Variants in TMEM230 observed in about 807,000 individuals in gnomAD.
The protein encoded by TMEM230 is transmembrane protein 230.
In TMEM230, 10 loss-of-function variants were observed where a neutral mutation model predicts 15.8. The ratio of observed to expected loss-of-function variants is 0.63; its 90% confidence interval spans 0.39 to 1.07. The LOEUF (loss-of-function observed/expected upper bound fraction) is 1.07, where lower values mean the gene tolerates loss of function less well. Ranked by LOEUF, TMEM230 falls within the 50% of genes least tolerant of loss-of-function variation. The pLI, the probability that TMEM230 is intolerant of heterozygous loss-of-function variation, is 0.01. For synonymous variants in TMEM230, 67 were observed against 76.9 expected (o/e 0.87, Z 0.68); for missense variants, 165 against 193.3 (o/e 0.85, Z 0.87).
At chr20:5,071,619 G>T (rs373438671) in intron 3 of TMEM230, among the ~76,000 whole-genome samples, 1,171 of 64,608 alleles carry the variant, frequency 0.018, 20 homozygotes, top group African/African-American at 0.055. Context: ...GCGAAACTCC[G>T]TCTCAAAAAA....
chr20:5,067,725 G>A (rs1361444420), downstream of TMEM230, among the ~76,000 whole-genome samples: 1 of 146,578 alleles, frequency 6.8e-6, no homozygotes, highest in Admixed American at 7.0e-5. Flanking sequence ...TAAGGCATGA[G>A]CCACCACACC....
intron 3 of TMEM230, among the ~76,000 whole-genome samples, chr20:5,085,893 C>T (rs1568487265): frequency 6.6e-6 from 1 of 152,104 alleles, no homozygotes; most frequent in Non-Finnish European, 1.5e-5. Flanking sequence ...AACCTCTTAG[C>T]CATAAGAAAG....
At chr20:5,086,249 A>G (rs2089333801) in intron 3 of TMEM230, among the ~76,000 whole-genome samples, 2 of 135,368 alleles carry the variant, frequency 1.5e-5, no homozygotes, top group African/African-American at 5.5e-5. Context: ...AAAAAAAAAA[A>G]AGTATTGGCC....
At chr20:5,104,139 T>C (rs1483130850) in intron 4 of TMEM230, among the ~76,000 whole-genome samples, 1 of 152,022 alleles carries the variant, frequency 6.6e-6, no homozygotes. Context: ...AAATGGCAAA[T>C]AGGTATATGA....
At chr20:5,096,983 T>C (rs113355089), downstream of TMEM230, among the ~76,000 whole-genome samples, 3,259 of 152,278 alleles carry the variant, frequency 0.021, 101 homozygotes, top group African/African-American at 0.071. Flanking sequence ...CAGCTAAAAC[T>C]TGTACTACCT....
At chr20:5,109,542 T>G in intron 2 of TMEM230, 97 bp from the exon 2 acceptor site, 1 of 941,268 alleles carries the variant, frequency 1.1e-6, no homozygotes, top group East Asian at 2.6e-5. Context: ...TGCACTGGAG[T>G]TCTGGGCTGC....
chr20:5,067,762 CTT>C (rs3056049), downstream of TMEM230, among the ~76,000 whole-genome samples: 5 of 135,740 alleles, frequency 3.7e-5, no homozygotes, highest in Non-Finnish European at 4.6e-5. Context: ...CCCCCCTCTG[CTT>C]TTTTTTTTTT....
At chr20:5,085,837 CA>C (rs2089319866) in intron 3 of TMEM230, among the ~76,000 whole-genome samples, 1 of 152,056 alleles carries the variant, frequency 6.6e-6, no homozygotes, top group African/African-American at 2.4e-5. Flanking sequence ...AAGGACTCTC[CA>C]ATATCTCACC....
Position 5,109,293 on chromosome 20 carries a change from C to T in TMEM230, c.288+39G>A, listed in dbSNP as rs201080303. On this transcript the variant is annotated intron_variant, in intron 3 of 4. Coordinates refer to ENST00000342308, the MANE Select transcript of TMEM230 (RefSeq NM_001009923.2). ...GGTCTTCCTGCTAACTTAACAGAAA[C>T]ACAGCCAGTCAGTCTTGTCAGTTCT... 3.8e-4 allele frequency: 579 copies of T among 1,530,818 alleles called. 2 individuals carry two copies. In the African/African-American group the frequency reaches 7.3e-3, roughly 19 times the overall value. The allele number at this position is 1,530,818 out of a possible 1,614,324, so 94.8% of individuals were successfully genotyped here. A position where few individuals can be genotyped will look rare whatever the true frequency, so the allele number is the denominator to read the frequency against.
At chr20:5,067,490 C>G (rs1279472836), downstream of TMEM230, 1 of 145,192 alleles carries the variant, frequency 6.9e-6, no homozygotes, top group African/African-American at 2.5e-5. Flanking sequence ...GTCACCCAGG[C>G]TGGAGTGCAA....
chr20:5,109,970 A>G (rs1170814903), intron 2 of TMEM230, among the ~76,000 whole-genome samples: 1 of 152,204 alleles, frequency 6.6e-6, no homozygotes, highest in African/African-American at 2.4e-5. Flanking sequence ...CATTTTGCCT[A>G]TTTCCCCTTG....
intron 3 of TMEM230, among the ~76,000 whole-genome samples, chr20:5,094,120 G>A (rs1373269087): frequency 6.6e-6 from 1 of 151,800 alleles, no homozygotes; most frequent in East Asian, 2.0e-4. Context: ...CACCATACCT[G>A]GCTAATTTTT....
chr20:5,071,675 G>A (rs1055656894), intron 3 of TMEM230, among the ~76,000 whole-genome samples: 2 of 151,216 alleles, frequency 1.3e-5, no homozygotes, highest in East Asian at 1.9e-4. Flanking sequence ...ATAGTGATAC[G>A]TATATAGCAA....
chr20:5,064,713 AAACTC>A (rs1259440219), downstream of TMEM230, among the ~76,000 whole-genome samples: 1 of 152,332 alleles, frequency 6.6e-6, no homozygotes, highest in African/African-American at 2.4e-5. Context: ...AATGAAAACA[AAACTC>A]AATAATAAAT....
chr20:5,094,285 G>A (rs775416183), intron 3 of TMEM230, among the ~76,000 whole-genome samples: 2 of 151,770 alleles, frequency 1.3e-5, no homozygotes, highest in Non-Finnish European at 2.9e-5. Flanking sequence ...TCACTCTGTT[G>A]CCCAGGCTGG....
chr20:5,097,847 G>A (rs903496842), downstream of TMEM230, among the ~76,000 whole-genome samples: 1 of 127,478 alleles, frequency 7.8e-6, no homozygotes, highest in Admixed American at 8.4e-5. Flanking sequence ...CTGACCTCAA[G>A]TGATCCACCC....
At chr20:5,095,026 TTGC>T (rs2089625725), downstream of TMEM230, among the ~76,000 whole-genome samples, 1 of 152,154 alleles carries the variant, frequency 6.6e-6, no homozygotes, top group African/African-American at 2.4e-5. Flanking sequence ...GCTGGTGATT[TTGC>T]TGCTGCCATT....
chr20:5,071,639 C>A (rs6084981), intron 3 of TMEM230, among the ~76,000 whole-genome samples: 7,217 of 146,006 alleles, frequency 0.049, 559 homozygotes, highest in African/African-American at 0.15. Flanking sequence ...AAAAAAAAAA[C>A]AAAAAGGGTA....
chr20:5,085,051 A>C (rs914829602), intron 3 of TMEM230, among the ~76,000 whole-genome samples: 5 of 152,124 alleles, frequency 3.3e-5, no homozygotes, highest in African/African-American at 1.2e-4. Flanking sequence ...TCCATTTTTT[A>C]ACTCACACAC....
Sources: allele counts gnomAD v4.1 joint callset (sites outside exome capture counted in the v4.1 genomes callset), GRCh38; gene constraint gnomAD v4.1.1; transcripts MANE v1.5; gene names NCBI Gene and HGNC (gene_info 2026-07-23, HGNC 2026-07-21).